Variants in ZMAT4 observed in about 807,000 individuals in gnomAD.
The protein encoded by ZMAT4 is zinc finger matrin-type 4, also known as zinc finger matrin-type protein 4.
Under a neutral mutation model 28.7 loss-of-function variants are expected in ZMAT4, and 17 were observed. That is an observed-to-expected ratio of 0.59 (90% confidence interval 0.41 to 0.89). The LOEUF is 0.89. Among genes scored for constraint, ZMAT4 ranks in the 40% least tolerant of loss-of-function variants. The pLI, the probability that ZMAT4 is intolerant of heterozygous loss-of-function variation, is 0.00. For missense variants in ZMAT4, 240 were observed against 283.8 expected, an observed-to-expected ratio of 0.85 and a Z score of 1.11; for synonymous variants, 117 against 109.2, an observed-to-expected ratio of 1.07 and a Z score of -0.44.
At chr8:40,611,955 T>A (rs968165719) in intron 5 of ZMAT4, among the ~76,000 whole-genome samples, 17 of 152,126 alleles carry the variant, frequency 1.1e-4, no homozygotes, top group African/African-American at 3.6e-4. Flanking sequence ...ATTTTTGTGA[T>A]CAGACCCCCA....
intron 3 of ZMAT4, among the ~76,000 whole-genome samples, chr8:40,742,203 A>G (rs895791974): frequency 1.3e-5 from 2 of 151,996 alleles, no homozygotes; most frequent in Non-Finnish European, 1.5e-5. Context: ...AGCCGTGATC[A>G]TACCACCGCA....
intron 4 of ZMAT4, among the ~76,000 whole-genome samples, chr8:40,678,415 C>T (rs1300928455): frequency 6.6e-6 from 1 of 152,172 alleles, no homozygotes; most frequent in Admixed American, 6.5e-5. Context: ...GAACATTAAG[C>T]TATTATCCCA....
At chr8:40,565,371 C>T (rs980308045) in intron 6 of ZMAT4, among the ~76,000 whole-genome samples, 9 of 136,272 alleles carry the variant, frequency 6.6e-5, no homozygotes, top group African/African-American at 1.9e-4. Flanking sequence ...GGTTTGGTGC[C>T]ACCATCTTTT....
intron 3 of ZMAT4, among the ~76,000 whole-genome samples, chr8:40,761,044 G>A (rs772757767): frequency 6.6e-6 from 1 of 151,878 alleles, no homozygotes; most frequent in African/African-American, 2.4e-5. Context: ...AGAAAGAAAG[G>A]TGAGGGTGGG....
At chr8:40,655,563 A>G in intron 5 of ZMAT4, among the ~76,000 whole-genome samples, 1 of 152,106 alleles carries the variant, frequency 6.6e-6, no homozygotes, top group South Asian at 2.1e-4. Context: ...ACTTACTACA[A>G]TGCTACAGTA....
At chr8:40,856,875 C>G (rs1817317877) in intron 1 of ZMAT4, among the ~76,000 whole-genome samples, 3 of 152,110 alleles carry the variant, frequency 2.0e-5, no homozygotes, top group Admixed American at 2.0e-4. Flanking sequence ...TGGATGAACC[C>G]CAGAGTCTGC....
At chr8:40,585,644 G>A (rs938419444) in intron 5 of ZMAT4, among the ~76,000 whole-genome samples, 8 of 152,034 alleles carry the variant, frequency 5.3e-5, no homozygotes, top group African/African-American at 1.9e-4. Flanking sequence ...CATTTCACAG[G>A]GATTCATGAT....
intron 6 of ZMAT4, among the ~76,000 whole-genome samples, chr8:40,569,019 G>A (rs943890854): frequency 2.0e-5 from 3 of 151,968 alleles, no homozygotes; most frequent in Admixed American, 2.0e-4. Flanking sequence ...TTGCCCCTAG[G>A]GCCTGTTTTA....
chr8:40,811,305 T>C (rs1352047933), intron 2 of ZMAT4, among the ~76,000 whole-genome samples: 1 of 152,202 alleles, frequency 6.6e-6, no homozygotes, highest in Non-Finnish European at 1.5e-5. Flanking sequence ...TCTTCACAAC[T>C]GTGACCCCCA....
At chr8:40,611,455 C>T (rs1805792580) in intron 5 of ZMAT4, among the ~76,000 whole-genome samples, 1 of 152,132 alleles carries the variant, frequency 6.6e-6, no homozygotes, top group African/African-American at 2.4e-5. Flanking sequence ...ATTCTCCTGC[C>T]TCAGCCTCCC....
intron 3 of ZMAT4, among the ~76,000 whole-genome samples, chr8:40,733,874 G>T (rs540260596): frequency 6.6e-6 from 1 of 152,092 alleles, no homozygotes; most frequent in Non-Finnish European, 1.5e-5. Flanking sequence ...CTCTGAGTAA[G>T]ACACATCCTT....
intron 6 of ZMAT4, among the ~76,000 whole-genome samples, chr8:40,558,550 A>T (rs566661525): frequency 6.6e-6 from 1 of 152,178 alleles, no homozygotes; most frequent in East Asian, 1.9e-4. Context: ...TATCTTCAAG[A>T]TTTCTGCCTT....
At chr8:40,688,062 C>T (rs989444698) in intron 4 of ZMAT4, among the ~76,000 whole-genome samples, 2 of 152,148 alleles carry the variant, frequency 1.3e-5, no homozygotes, top group South Asian at 2.1e-4. Flanking sequence ...GCCAGTACCA[C>T]GACCGAGACA....
At chr8:40,836,822 T>G (rs1816509213) in intron 1 of ZMAT4, among the ~76,000 whole-genome samples, 1 of 152,224 alleles carries the variant, frequency 6.6e-6, no homozygotes, top group African/African-American at 2.4e-5. Context: ...TTGCCAGATC[T>G]CAGCTTTGCT....
chr8:40,620,985 T>C (rs1385686567), intron 5 of ZMAT4, among the ~76,000 whole-genome samples: 2 of 152,354 alleles, frequency 1.3e-5, no homozygotes, highest in South Asian at 2.1e-4. Flanking sequence ...GACTTATTTA[T>C]ATTCTAATAT....
At chr8:40,891,572 T>A (rs541445921) in intron 1 of ZMAT4, among the ~76,000 whole-genome samples, 2 of 152,202 alleles carry the variant, frequency 1.3e-5, no homozygotes, top group African/African-American at 4.8e-5. Context: ...CCCCTGAGGC[T>A]TCTCCACGCC....
At chr8:40,768,064 TAAG>T (rs1322580835) in intron 2 of ZMAT4, among the ~76,000 whole-genome samples, 3 of 152,186 alleles carry the variant, frequency 2.0e-5, no homozygotes, top group African/African-American at 7.2e-5. Context: ...TTAATTGTGA[TAAG>T]AAGAGGCACA....
At chr8:40,637,557 T>A (rs1172740552) in intron 5 of ZMAT4, among the ~76,000 whole-genome samples, 1 of 152,204 alleles carries the variant, frequency 6.6e-6, no homozygotes, top group South Asian at 2.1e-4. Flanking sequence ...ATTAGATTAA[T>A]TTTAGAAACA....
chr8:40,659,666 C>T (rs1808100258), intron 5 of ZMAT4, among the ~76,000 whole-genome samples: 1 of 152,120 alleles, frequency 6.6e-6, no homozygotes, highest in African/African-American at 2.4e-5. Context: ...ATTTATTGTT[C>T]CTCTGTGGTA....
Sources: allele counts gnomAD v4.1 joint callset (sites outside exome capture counted in the v4.1 genomes callset), GRCh38; gene constraint gnomAD v4.1.1; transcripts MANE v1.5; gene names NCBI Gene and HGNC (gene_info 2026-07-23, HGNC 2026-07-21).